The following SLC22A8 variants were observed in gnomAD, a reference collection of about 807,000 sequenced individuals.
SLC22A8 encodes the protein organic anion transporter 3.
Under a neutral mutation model 48.4 loss-of-function variants are expected in SLC22A8, and 40 were observed. That is an observed-to-expected ratio of 0.83 (90% CI 0.64 to 1.08). The LOEUF (loss-of-function observed/expected upper bound fraction) is 1.08, where lower values mean the gene tolerates loss of function less well. Ranked by LOEUF, SLC22A8 falls within the 50% of genes least tolerant of loss-of-function variation. The probability of loss-of-function intolerance (pLI) is 0.00; values close to 1 mark genes in which losing one functional copy is unlikely to be tolerated. For synonymous variants in SLC22A8, 268 were observed against 286.3 expected (o/e 0.94, Z 0.65); for missense variants, 606 against 699.0 (o/e 0.87, Z 1.50).
In SLC22A8 at chr11:62,993,868, G is replaced by C. The variant is rs750734621; in HGVS notation, c.1227C>G (p.Thr409=). 3 of 1,610,208 alleles carry C rather than the reference G, an allele frequency of 1.9e-6. No individual in the cohort carries two copies. In the Admixed American group the frequency reaches 5.0e-5, roughly 27 times the overall value. ...CAAACACAGCCAATACTGTCCTCAC[G>C]GTCTGCAAGTCTGCAGAGGGAAGAA... is the stretch of plus-strand genomic sequence containing the variant. ...ALTFVPLDLQ[T]VRTVLAVFGK... is the part of the protein sequence containing the mutation. Residue 409 remains threonine, a synonymous_variant, in exon 9 of 11, where the codon ACC becomes ACG. Transcript: ENST00000336232.
At chr11:62,994,832 A>C (rs751493853) in intron 7 of SLC22A8, 76 bp from the exon 8 acceptor site, 52 of 1,089,206 alleles carry the variant, frequency 4.8e-5, no homozygotes, top group Non-Finnish European at 7.1e-5. Context: ...TTGGGTCACC[A>C]GGATGATGAA....
chr11:63,011,560 C>T (rs1328015716), intron 2 of SLC22A8, among the ~76,000 whole-genome samples: 4 of 152,172 alleles, frequency 2.6e-5, no homozygotes, highest in Non-Finnish European at 5.9e-5. Context: ...GACTCCCTCC[C>T]TGTCCCTCAC....
At chr11:63,014,356 C>G (rs2086650710) in intron 2 of SLC22A8, among the ~76,000 whole-genome samples, 1 of 152,194 alleles carries the variant, frequency 6.6e-6, no homozygotes. Context: ...AGGCATGGTG[C>G]ATTTTTGTAT....
intron 2 of SLC22A8, among the ~76,000 whole-genome samples, chr11:63,001,187 C>T (rs2086490286): frequency 6.6e-6 from 1 of 152,162 alleles, no homozygotes; most frequent in African/African-American, 2.4e-5. Context: ...CCCCCTTGAC[C>T]TTGCCTTCTC....
At chr11:63,012,043 G>A (rs1460951767) in intron 2 of SLC22A8, among the ~76,000 whole-genome samples, 1 of 150,556 alleles carries the variant, frequency 6.6e-6, no homozygotes, top group Non-Finnish European at 1.5e-5. Context: ...AGGCTGGAGT[G>A]CAGTGGTGTG....
rs1219682317 is a variant in SLC22A8, at chr11:62,996,153, C to G, written c.762-1G>C. 6.3e-7 allele frequency: 1 copy of G among 1,593,710 alleles called. No homozygotes were observed. The highest frequency in any genetic ancestry group is 8.6e-7 in the Non-Finnish European group (1 of 1,168,478). Reference sequence around the variant, plus strand: ...CCAGCGTATGGACTCTGGTGTCCACCTGGGGGCCAGAGACCAGTCACAGTG... The same window carrying G: ...CCAGCGTATGGACTCTGGTGTCCACGTGGGGGCCAGAGACCAGTCACAGTG... On this transcript the variant is annotated splice_acceptor_variant, in intron 5 of 10. Coordinates refer to ENST00000336232, the MANE Select transcript of SLC22A8 (RefSeq NM_004254.4). LOFTEE classifies it high-confidence loss of function.
At chr11:63,003,440 G>C (rs370964432) in intron 2 of SLC22A8, among the ~76,000 whole-genome samples, 1 of 152,118 alleles carries the variant, frequency 6.6e-6, no homozygotes, top group African/African-American at 2.4e-5. Context: ...AAGGGGGCCT[G>C]CATGGTATGT....
chr11:62,994,965 G>A (rs889820936), intron 7 of SLC22A8: 20 of 605,588 alleles, frequency 3.3e-5, no homozygotes, highest in African/African-American at 1.3e-4. Flanking sequence ...CATGTCTGAC[G>A]TGGGCATGGT....
chr11:62,993,381 T>A (rs1316227043), intron 10 of SLC22A8, 43 bp downstream of exon 10: 2 of 1,612,316 alleles, frequency 1.2e-6, no homozygotes, highest in Admixed American at 3.3e-5. Context: ...CAGACCTGCT[T>A]CCCCAGGGAG....
chr11:62,993,910 G>A (rs1220822258), intron 8 of SLC22A8, 32 bp from the exon 9 acceptor site: 2 of 1,343,790 alleles, frequency 1.5e-6, no homozygotes, highest in Admixed American at 1.7e-5. Context: ...GTGGGCCTTG[G>A]AGTTCAGGAG....
At chr11:63,006,532 T>G (rs1487872610) in intron 2 of SLC22A8, among the ~76,000 whole-genome samples, 1 of 151,756 alleles carries the variant, frequency 6.6e-6, no homozygotes, top group African/African-American at 2.4e-5. Context: ...TCTAACTGCT[T>G]ATTCACTTGT....
intron 2 of SLC22A8, among the ~76,000 whole-genome samples, chr11:63,002,030 C>A (rs1460427536): frequency 6.6e-6 from 1 of 151,972 alleles, no homozygotes; most frequent in Non-Finnish European, 1.5e-5. Context: ...CTAAAGCCAT[C>A]CTCCTAAGTA....
At chr11:62,994,840 G>A (rs2086396029) in intron 7 of SLC22A8, 84 bp from the exon 8 acceptor site, 3 of 1,020,558 alleles carry the variant, frequency 2.9e-6, no homozygotes, top group African/African-American at 1.6e-5. Flanking sequence ...CCAGGATGAT[G>A]AATAGCTTCA....
chr11:63,014,453 G>A, intron 2 of SLC22A8, 173 bp downstream of exon 2: 1 of 548,564 alleles, frequency 1.8e-6, no homozygotes, highest in Non-Finnish European at 3.2e-6. Flanking sequence ...GTGGGAAGAA[G>A]CCAAGGGTCT....
intron 2 of SLC22A8, among the ~76,000 whole-genome samples, chr11:63,011,854 C>T (rs762221579): frequency 6.6e-6 from 1 of 152,174 alleles, no homozygotes; most frequent in African/African-American, 2.4e-5. Context: ...AAAGGCCACA[C>T]CTTTACCTCT....
In SLC22A8 at chr11:63,014,751, G is replaced by C. The variant is rs758755852; in HGVS notation, c.208C>G (p.Pro70Ala). 11 of 1,613,994 alleles carry C rather than the reference G, an allele frequency of 6.8e-6. No individual in the cohort carries two copies. The highest frequency in any genetic ancestry group is 2.2e-5 in the East Asian group (1 of 44,900). Residue 70 changes from proline (P) to alanine (A), a missense_variant, in exon 2 of 11, where the codon CCT (proline) becomes GCT (alanine). Physicochemically the swap from Pro to Ala is conservative, Grantham distance 27. Transcript: ENST00000336232. The part of the protein sequence containing the change: ...WVLPMGPNGK[P>A]ERCLRFVHPP... ...TGTACAAAACGGAGGCACCTCTCAG[G>C]CTTCCCATTTGGGCCCATGGGGAGC...
intron 2 of SLC22A8, among the ~76,000 whole-genome samples, chr11:63,011,345 A>G (rs2086617215): frequency 6.6e-6 from 1 of 152,184 alleles, no homozygotes; most frequent in Non-Finnish European, 1.5e-5. Flanking sequence ...GCTTAGAACC[A>G]TCTGGCACAG....
rs2086394714 is a variant in SLC22A8 at position 62,994,756 on chromosome 11, C to T, written c.1002G>A (p.Trp334Ter). 6.2e-7 allele frequency: 1 copy of T among 1,613,902 alleles called. No homozygotes were observed. The highest frequency in any genetic ancestry group is 2.2e-5 in the East Asian group (1 of 44,888). ...TATAGTAGGCAAAACCGGTAGCAAA[C>T]CTGAGAGGCAGAGAAGGATTGGTTA... ...RRMTFCLSLAWFATGFAYYSL... is the reference protein window; with the variant it reads ...RRMTFCLSLA The change falls in exon 8 of 11, where the codon TGG (tryptophan) becomes TGA (stop). Residue 334 changes from tryptophan to a stop codon, truncating the protein, a stop_gained and splice_region_variant. Coordinates refer to ENST00000336232, the MANE Select transcript of SLC22A8 (RefSeq NM_004254.4). LOFTEE classifies it high-confidence loss of function.
intron 5 of SLC22A8, among the ~76,000 whole-genome samples, chr11:62,998,428 C>A (rs932552606): frequency 6.6e-6 from 1 of 152,148 alleles, no homozygotes; most frequent in East Asian, 1.9e-4. Flanking sequence ...CTCCAGCAGT[C>A]CCCAATTCTC....
Sources: allele counts gnomAD v4.1 joint callset (sites outside exome capture counted in the v4.1 genomes callset), GRCh38; gene constraint gnomAD v4.1.1; transcripts MANE v1.5; gene names NCBI Gene and HGNC (gene_info 2026-07-23, HGNC 2026-07-21).